GALNTL6: variants seen among roughly 807,000 people sequenced by gnomAD.
GALNTL6 encodes the protein polypeptide N-acetylgalactosaminyltransferase-like 6.
GALNTL6 carries 46 observed loss-of-function variants against 73.7 expected under a neutral mutation model. The observed-to-expected ratio is 0.62, with a 90% CI of 0.49 to 0.80. GALNTL6 has a LOEUF of 0.80. GALNTL6 is among the 30% of genes least tolerant of loss of function. The pLI is 0.00. For synonymous variants in GALNTL6, 259 were observed against 263.7 expected, an observed-to-expected ratio of 0.98 and a Z score of 0.17; for missense variants, 604 against 755.0, an observed-to-expected ratio of 0.80 and a Z score of 2.34.
chr4:172,515,498 T>C (rs1561117470), intron 5 of GALNTL6, among the ~76,000 whole-genome samples: 1 of 152,260 alleles, frequency 6.6e-6, no homozygotes, highest in Non-Finnish European at 1.5e-5. Context: ...TTTTATGATG[T>C]CTTAGGTCAG....
At chr4:171,837,149 T>C (rs570774322) in intron 2 of GALNTL6, among the ~76,000 whole-genome samples, 4 of 152,256 alleles carry the variant, frequency 2.6e-5, no homozygotes, top group African/African-American at 7.2e-5. Context: ...AAATGTGTTA[T>C]AAGTTCTGTG....
At chr4:172,347,517 A>G (rs189689276) in intron 4 of GALNTL6, among the ~76,000 whole-genome samples, 1 of 152,346 alleles carries the variant, frequency 6.6e-6, no homozygotes, top group East Asian at 1.9e-4. Flanking sequence ...GACTTTGTTC[A>G]GAAGAATCAA....
At chr4:172,121,502 C>T (rs923274110) in intron 2 of GALNTL6, among the ~76,000 whole-genome samples, 2 of 152,156 alleles carry the variant, frequency 1.3e-5, no homozygotes, top group African/African-American at 2.4e-5. Flanking sequence ...CCACAACCCA[C>T]AAGCATTGAT....
chr4:172,324,561 C>T (rs1740879665), intron 4 of GALNTL6, among the ~76,000 whole-genome samples: 1 of 151,110 alleles, frequency 6.6e-6, no homozygotes, highest in Non-Finnish European at 1.5e-5. Context: ...TAAACAAAAT[C>T]ACCAATAAAC....
At chr4:172,058,744 A>G (rs570146642) in intron 2 of GALNTL6, among the ~76,000 whole-genome samples, 6 of 152,200 alleles carry the variant, frequency 3.9e-5, no homozygotes, top group Non-Finnish European at 5.9e-5. Context: ...TTGCTTTTTT[A>G]TAGTATAATG....
intron 2 of GALNTL6, among the ~76,000 whole-genome samples, chr4:171,864,618 C>T (rs964468681): frequency 6.6e-6 from 1 of 152,098 alleles, no homozygotes; most frequent in Non-Finnish European, 1.5e-5. Context: ...TAATTAGGTT[C>T]ATATTAGTCC....
At chr4:172,355,941 T>G (rs1742140186) in intron 5 of GALNTL6, among the ~76,000 whole-genome samples, 1 of 152,176 alleles carries the variant, frequency 6.6e-6, no homozygotes, top group African/African-American at 2.4e-5. Context: ...TACCTCTGGA[T>G]GGAAAGTCTA....
intron 2 of GALNTL6, among the ~76,000 whole-genome samples, chr4:172,179,317 G>A (rs967345106): frequency 1.3e-5 from 2 of 150,890 alleles, no homozygotes; most frequent in Admixed American, 6.6e-5. Flanking sequence ...TCCAGCACCT[G>A]TTGTTTCCTG....
At chr4:171,925,419 G>T (rs1737946366) in intron 2 of GALNTL6, among the ~76,000 whole-genome samples, 1 of 152,152 alleles carries the variant, frequency 6.6e-6, no homozygotes, top group Non-Finnish European at 1.5e-5. Context: ...AAACTAGGAA[G>T]GAGAAGAGAG....
chr4:172,541,553 G>C (rs1320970185), intron 5 of GALNTL6, among the ~76,000 whole-genome samples: 2 of 152,206 alleles, frequency 1.3e-5, no homozygotes, highest in African/African-American at 4.8e-5. Flanking sequence ...CAGCAGAAAA[G>C]AAAGTAAGAT....
chr4:172,944,049 C>T (rs980519230), intron 9 of GALNTL6, among the ~76,000 whole-genome samples: 13 of 151,824 alleles, frequency 8.6e-5, no homozygotes, highest in Non-Finnish European at 1.3e-4. Context: ...TTCTAGAATA[C>T]AAAAACAAAG....
intron 2 of GALNTL6, among the ~76,000 whole-genome samples, chr4:172,064,727 T>C (rs758878490): frequency 3.9e-5 from 6 of 152,176 alleles, no homozygotes; most frequent in Non-Finnish European, 7.3e-5. Context: ...AGAAATCAGA[T>C]GGGTTTATTC....
intron 2 of GALNTL6, among the ~76,000 whole-genome samples, chr4:172,160,526 A>G (rs1734423783): frequency 6.6e-6 from 1 of 151,966 alleles, no homozygotes; most frequent in South Asian, 2.1e-4. Flanking sequence ...TATTGAAGGA[A>G]ACTAAGAGCA....
intron 2 of GALNTL6, among the ~76,000 whole-genome samples, chr4:171,980,685 G>T (rs1347156936): frequency 6.6e-6 from 1 of 152,168 alleles, no homozygotes; most frequent in Non-Finnish European, 1.5e-5. Flanking sequence ...GTTCGTCGAA[G>T]TACCAAGGGA....
At position 172,861,388 on chromosome 4, in the gene GALNTL6, T is replaced by C. The variant is rs865845714; in HGVS notation, c.924-21402T>C. On this transcript the variant is annotated intron_variant, in intron 7 of 12. Coordinates refer to ENST00000506823, the MANE Select transcript of GALNTL6 (RefSeq NM_001034845.3). ...AGTCATTTGAGCCCATTTCAAAGCA[T>C]CTACCCTGAAGAAACTTTCACTTCC... Among the ~76,000 whole-genome samples the C allele has an allele frequency of 3.3e-5, 5 of 150,852 alleles. 1 individual carries two copies. The Middle Eastern group carries it at 0.014, about 413-fold the overall frequency.
chr4:172,909,833 T>C (rs1207887075), intron 8 of GALNTL6, among the ~76,000 whole-genome samples: 1 of 152,130 alleles, frequency 6.6e-6, no homozygotes, highest in African/African-American at 2.4e-5. Flanking sequence ...ATACAACACA[T>C]GTATCTCAAT....
chr4:171,973,827 C>A (rs1013934638), intron 2 of GALNTL6, among the ~76,000 whole-genome samples: 1 of 151,984 alleles, frequency 6.6e-6, no homozygotes, highest in Non-Finnish European at 1.5e-5. Flanking sequence ...TTATATGGTA[C>A]CAAGTTTTCT....
At chr4:172,775,508 A>C (rs1739023115) in intron 5 of GALNTL6, among the ~76,000 whole-genome samples, 1 of 152,124 alleles carries the variant, frequency 6.6e-6, no homozygotes, top group Non-Finnish European at 1.5e-5. Context: ...TAATCTTTGG[A>C]TGGTACATGG....
chr4:172,372,338 C>A (rs1276231447), intron 5 of GALNTL6, among the ~76,000 whole-genome samples: 2 of 152,138 alleles, frequency 1.3e-5, no homozygotes, highest in Admixed American at 6.5e-5. Context: ...ACCGGTCCCT[C>A]AAGGAGTAGC....
Sources: allele counts gnomAD v4.1 joint callset (sites outside exome capture counted in the v4.1 genomes callset), GRCh38; gene constraint gnomAD v4.1.1; transcripts MANE v1.5; gene names NCBI Gene and HGNC (gene_info 2026-07-23, HGNC 2026-07-21).